The following ABHD17C variants were observed in gnomAD, a reference collection of about 807,000 sequenced individuals.
ABHD17C encodes alpha/beta hydrolase domain-containing protein 17C.
Under a neutral mutation model 27.9 loss-of-function variants are expected in ABHD17C, and 11 were observed. That is an observed-to-expected ratio of 0.39 (90% CI 0.25 to 0.65). The LOEUF (loss-of-function observed/expected upper bound fraction) is 0.65. ABHD17C is among the 30% of genes least tolerant of loss of function. ABHD17C has a pLI of 0.45. For synonymous variants in ABHD17C, 233 were observed against 209.1 expected (o/e 1.11, Z -0.98); for missense variants, 280 against 470.2 (o/e 0.60, Z 3.74).
At chr15:80,721,274 A>G (rs1894894066) in intron 1 of ABHD17C, among the ~76,000 whole-genome samples, 1 of 148,244 alleles carries the variant, frequency 6.7e-6, no homozygotes, top group South Asian at 2.1e-4. Context: ...TGTTTTAAGG[A>G]TATATTTTCA....
intron 1 of ABHD17C, among the ~76,000 whole-genome samples, chr15:80,696,434 T>C (rs1894496223): frequency 6.6e-6 from 1 of 152,212 alleles, no homozygotes; most frequent in South Asian, 2.1e-4. Flanking sequence ...GTTTCTAGAC[T>C]CAGTTTCCTT....
chr15:80,724,767 T>C (rs1047530959), intron 1 of ABHD17C, among the ~76,000 whole-genome samples: 13 of 152,086 alleles, frequency 8.5e-5, no homozygotes, highest in Admixed American at 4.6e-4. Context: ...TCCTCCTCCT[T>C]CTCCTTCTCC....
intron 1 of ABHD17C, among the ~76,000 whole-genome samples, chr15:80,720,503 G>A (rs1369082947): frequency 1.3e-5 from 2 of 152,134 alleles, no homozygotes; most frequent in African/African-American, 2.4e-5. Flanking sequence ...CCTGGTGCTG[G>A]ACTGGTTCTG....
intron 2 of ABHD17C, among the ~76,000 whole-genome samples, chr15:80,750,212 G>T (rs1300374817): frequency 6.6e-6 from 1 of 152,086 alleles, no homozygotes; most frequent in Non-Finnish European, 1.5e-5. Context: ...AAGAATAAAG[G>T]CAAAGTGAGT....
chr15:80,713,937 C>CACACACAT (rs1894767415), intron 1 of ABHD17C, among the ~76,000 whole-genome samples: 1 of 143,672 alleles, frequency 7.0e-6, no homozygotes, highest in African/African-American at 2.6e-5. Flanking sequence ...CACACACACA[C>CACACACAT]ACATATATTT....
At chr15:80,733,618 C>T (rs1422060105) in intron 1 of ABHD17C, among the ~76,000 whole-genome samples, 1 of 152,186 alleles carries the variant, frequency 6.6e-6, no homozygotes. Context: ...TATCCAAGAA[C>T]TTCCTGGCAA....
chr15:80,695,373 C>G lies in ABHD17C; in HGVS notation c.-57C>G. 8.8e-7 allele frequency: 1 copy of G among 1,134,078 alleles called. No individual in the cohort carries two copies. Among genetic ancestry groups the G allele is most frequent in the Non-Finnish European group, 1.1e-6 (1 of 913,148 alleles). 70.3% of individuals were successfully genotyped at this position (1,134,078 alleles called of 1,614,324 possible). A position where few individuals can be genotyped will look rare whatever the true frequency, so the allele number is the denominator to read the frequency against. ...TCGCCGCGCGTCCGTCCTCCGTCCT[C>G]CCGGGCCAGCCAGCCAGCCAGCCAG... On this transcript the variant is annotated 5_prime_UTR_variant, in exon 1 of 3. Coordinates refer to ENST00000258884, the MANE Select transcript of ABHD17C (RefSeq NM_021214.2). This position sits in a 1 kb window ranked among gnomAD's most constrained non-coding sequence, Gnocchi z 4.3.
intron 1 of ABHD17C, among the ~76,000 whole-genome samples, chr15:80,749,024 C>T (rs1895330269): frequency 6.6e-6 from 1 of 152,070 alleles, no homozygotes; most frequent in Admixed American, 6.6e-5. Flanking sequence ...TAATTGTCTT[C>T]AAACTAATTG....
At chr15:80,715,646 T>C (rs182001742) in intron 1 of ABHD17C, among the ~76,000 whole-genome samples, 1 of 152,314 alleles carries the variant, frequency 6.6e-6, no homozygotes, top group African/African-American at 2.4e-5. Flanking sequence ...ACCCACCTAT[T>C]TCTAAATGGG....
intron 1 of ABHD17C, among the ~76,000 whole-genome samples, chr15:80,720,812 T>A (rs1894886548): frequency 6.6e-6 from 1 of 151,744 alleles, no homozygotes; most frequent in Non-Finnish European, 1.5e-5. Flanking sequence ...TCCCAGCTAC[T>A]TGGGAGGCTG....
intron 1 of ABHD17C, among the ~76,000 whole-genome samples, chr15:80,729,561 GA>G (rs1017983680): frequency 3.3e-4 from 50 of 151,512 alleles, no homozygotes; most frequent in African/African-American, 1.0e-3. Context: ...AGTTTTGGGT[GA>G]AAAAAAACAG....
At chr15:80,721,811 T>C (rs1388190281) in intron 1 of ABHD17C, among the ~76,000 whole-genome samples, 1 of 152,068 alleles carries the variant, frequency 6.6e-6, no homozygotes, top group Non-Finnish European at 1.5e-5. Flanking sequence ...AGTAGGGCAC[T>C]GGGGGCCTCC....
intron 1 of ABHD17C, among the ~76,000 whole-genome samples, chr15:80,715,070 C>T (rs1353072200): frequency 6.6e-6 from 1 of 152,162 alleles, no homozygotes; most frequent in East Asian, 1.9e-4. Context: ...CGTGAGCCAC[C>T]GCGCCCGGCC....
intron 1 of ABHD17C, among the ~76,000 whole-genome samples, chr15:80,707,287 A>G (rs1249737103): frequency 1.3e-5 from 2 of 152,350 alleles, no homozygotes; most frequent in African/African-American, 4.8e-5. Flanking sequence ...GACTTGAAGA[A>G]CATACAGTGG....
chr15:80,744,621 C>G (rs1191085595), intron 1 of ABHD17C, among the ~76,000 whole-genome samples: 2 of 152,176 alleles, frequency 1.3e-5, no homozygotes, highest in African/African-American at 4.8e-5. Flanking sequence ...AAAACGCTGG[C>G]AGTTCGCAGC....
chr15:80,720,066 C>G (rs11638457), intron 1 of ABHD17C, among the ~76,000 whole-genome samples: 48,536 of 152,176 alleles, frequency 0.32, 9,442 homozygotes, highest in Non-Finnish European at 0.45. Flanking sequence ...TCCCAAAGTG[C>G]TGAGATTACA....
At chr15:80,731,830 A>G (rs1283933164) in intron 1 of ABHD17C, among the ~76,000 whole-genome samples, 1 of 152,188 alleles carries the variant, frequency 6.6e-6, no homozygotes, top group African/African-American at 2.4e-5. Context: ...CATGAGCCAG[A>G]TTTAGGAGGA....
intron 1 of ABHD17C, among the ~76,000 whole-genome samples, chr15:80,731,081 A>G (rs1187827407): frequency 6.6e-6 from 1 of 152,232 alleles, no homozygotes; most frequent in Non-Finnish European, 1.5e-5. Context: ...CTTGTGAGTC[A>G]TACAGTCCCC....
chr15:80,744,235 A>G (rs1276291145), intron 1 of ABHD17C, among the ~76,000 whole-genome samples: 3 of 152,226 alleles, frequency 2.0e-5, no homozygotes, highest in African/African-American at 7.2e-5. Context: ...ATCAGAATTA[A>G]TAAGTGTAGA....
Sources: gnomAD v4.1 joint callset for allele counts (sites outside exome capture counted in the v4.1 genomes callset) on GRCh38, gnomAD v4.1.1 for gene constraint, Gnocchi (gnomAD v3.1) non-coding constraint, MANE v1.5 for transcripts, NCBI Gene and HGNC (gene_info 2026-07-23, HGNC 2026-07-21) for gene names.